HBS1L: variants seen among roughly 807,000 people sequenced by gnomAD.
HBS1L encodes the protein HBS1 like translational GTPase, also known as HBS1-like protein.
A neutral mutation model predicts 88.9 loss-of-function variants in HBS1L; 55 were observed. That is an observed-to-expected ratio of 0.62 (90% CI 0.50 to 0.77). HBS1L has a LOEUF of 0.77. Among genes scored for constraint, HBS1L ranks in the 30% least tolerant of loss-of-function variants. The probability of loss-of-function intolerance (pLI) is 0.00; values close to 1 mark genes in which losing one functional copy is unlikely to be tolerated. For synonymous variants in HBS1L, 267 were observed against 288.5 expected, an observed-to-expected ratio of 0.93 and a Z score of 0.76; for missense variants, 741 against 829.3, an observed-to-expected ratio of 0.89 and a Z score of 1.31.
At chr6:134,968,996 T>C (rs2114744158) in intron 16 of HBS1L, among the ~76,000 whole-genome samples, 1 of 152,292 alleles carries the variant, frequency 6.6e-6, no homozygotes, top group East Asian at 1.9e-4. Context: ...TTACATTTAT[T>C]TATAATTCAC....
chr6:135,038,063 G>C, intron 4 of HBS1L: 1 of 1,437,768 alleles, frequency 7.0e-7, no homozygotes, highest in Non-Finnish European at 9.1e-7. Context: ...CAGATGAATA[G>C]GTTGATATAC....
intron 1 of HBS1L, among the ~76,000 whole-genome samples, chr6:135,051,159 A>G (rs926513061): frequency 2.0e-5 from 3 of 152,070 alleles, no homozygotes; most frequent in Non-Finnish European, 4.4e-5. Flanking sequence ...CCAGGAGGCA[A>G]GGTTGCAGTG....
Position 134,969,261 on chromosome 6 carries a change from A to G in HBS1L, c.1875T>C (p.Gly625=), listed in dbSNP as rs920940950. 3.1e-6 allele frequency: 5 copies of G among 1,612,512 alleles called. No individual in the cohort carries two copies. Among genetic ancestry groups the G allele is most frequent in the Non-Finnish European group, 4.2e-6 (5 of 1,178,916 alleles). Reference sequence around the variant, plus strand: ...ACTTAGGCTTTTTCTTTGTGACTTCACCCGTGCTTTTGTTTAAGACACTAA... The same window carrying G: ...ACTTAGGCTTTTTCTTTGTGACTTCGCCCGTGCTTTTGTTTAAGACACTAA... The part of the protein sequence containing the change: ...RLISVLNKST[G]EVTKKKPKFL... The change falls in exon 16 of 18, where the codon GGT becomes GGC. Residue 625 remains glycine, a synonymous_variant. Coordinates refer to ENST00000367837, the MANE Select transcript of HBS1L (RefSeq NM_006620.4).
chr6:135,034,674 C>T (rs1776482542), intron 4 of HBS1L, among the ~76,000 whole-genome samples: 1 of 152,082 alleles, frequency 6.6e-6, no homozygotes, highest in African/African-American at 2.4e-5. Context: ...ATTTTAGATA[C>T]TACTGTATTA....
At chr6:134,986,952 T>G (rs1774995244) in intron 9 of HBS1L, 142 bp from the exon 10 acceptor site, 3 of 351,596 alleles carry the variant, frequency 8.5e-6, no homozygotes, top group Non-Finnish European at 1.5e-5. Context: ...ATATCAGACC[T>G]TGCTAATAAT....
intron 2 of HBS1L, among the ~76,000 whole-genome samples, chr6:135,049,921 G>A (rs568541824): frequency 1.6e-4 from 25 of 152,188 alleles, no homozygotes; most frequent in Non-Finnish European, 3.4e-4. Context: ...TAGACAGTAG[G>A]CTGAAATTTG....
At chr6:135,016,478 T>C (rs755026604) in intron 4 of HBS1L, among the ~76,000 whole-genome samples, 2 of 152,204 alleles carry the variant, frequency 1.3e-5, no homozygotes, top group African/African-American at 4.8e-5. Context: ...ACCTGGATAC[T>C]GTCCACTTAA....
Position 134,972,425 on chromosome 6 carries a change from T to C in HBS1L, c.1798-3087A>G, listed in dbSNP as rs375570799. 2.0e-5 allele frequency among the ~76,000 whole-genome samples: 3 copies of C among 152,140 alleles called. No homozygotes were observed. In the South Asian group the frequency reaches 6.2e-4, roughly 31 times the overall value. ...TGCAAAACAATGAAGCTCTCTACCTTACATATGTACAAAACTTAACTGAAA... is the reference window on the plus strand; with the variant it reads ...TGCAAAACAATGAAGCTCTCTACCTCACATATGTACAAAACTTAACTGAAA... On this transcript the variant is annotated intron_variant, in intron 15 of 17. Coordinates refer to ENST00000367837, the MANE Select transcript of HBS1L (RefSeq NM_006620.4).
At chr6:134,968,438 G>A (rs1326690812) in intron 16 of HBS1L, among the ~76,000 whole-genome samples, 4 of 151,842 alleles carry the variant, frequency 2.6e-5, no homozygotes, top group East Asian at 1.9e-4. Context: ...TAGTAGAGAC[G>A]GGGTTTCGCC....
chr6:135,002,944 G>T (rs1583098736), intron 4 of HBS1L, 102 bp from the exon 5 acceptor site: 3 of 698,906 alleles, frequency 4.3e-6, no homozygotes, highest in African/African-American at 1.8e-5. Context: ...AACTTTCACA[G>T]AATTAATGTC....
At chr6:134,965,758 T>C (rs2114737053) in intron 17 of HBS1L, among the ~76,000 whole-genome samples, 1 of 152,310 alleles carries the variant, frequency 6.6e-6, no homozygotes, top group Admixed American at 6.5e-5. Flanking sequence ...GAAAGCTGTT[T>C]TCTTCACCTC....
Position 134,985,175 on chromosome 6 carries a change from C to T in HBS1L, c.1492+166G>A, listed in dbSNP as rs531110451. 5.3e-5 allele frequency among the ~76,000 whole-genome samples: 8 copies of T among 152,048 alleles called. No homozygotes were observed. In the South Asian group the frequency reaches 1.7e-3, roughly 32 times the overall value. ...TTTCCTGGACAGGGAAGCTAAGTGA[C>T]TAAATCTGTGCATTTTAAGATTAAT... On this transcript the variant is annotated intron_variant, in intron 12 of 17. Transcript: ENST00000367837.
At chr6:134,994,322 G>T (rs1056246788) in intron 7 of HBS1L, among the ~76,000 whole-genome samples, 1 of 152,018 alleles carries the variant, frequency 6.6e-6, no homozygotes, top group Non-Finnish European at 1.5e-5. Flanking sequence ...TTGCAAGGCT[G>T]GTTAATATGC....
intron 3 of HBS1L, among the ~76,000 whole-genome samples, chr6:135,040,251 C>A (rs1178292722): frequency 6.6e-6 from 1 of 151,906 alleles, no homozygotes; most frequent in African/African-American, 2.4e-5. Flanking sequence ...CTAAAATAAT[C>A]CTTAATGACT....
chr6:135,002,155 G>T (rs1275951624), intron 5 of HBS1L, among the ~76,000 whole-genome samples: 1 of 151,944 alleles, frequency 6.6e-6, no homozygotes, highest in Non-Finnish European at 1.5e-5. Context: ...CTCCTGGAAG[G>T]ATTCTAGAGA....
At chr6:135,010,924 T>C (rs1052712604) in intron 4 of HBS1L, among the ~76,000 whole-genome samples, 3 of 152,152 alleles carry the variant, frequency 2.0e-5, no homozygotes, top group Non-Finnish European at 4.4e-5. Flanking sequence ...GAATGTTATA[T>C]ATAGGAATTA....
chr6:135,045,503 CT>C (rs2114918967), intron 2 of HBS1L, among the ~76,000 whole-genome samples: 1 of 152,236 alleles, frequency 6.6e-6, no homozygotes, highest in African/African-American at 2.4e-5. Flanking sequence ...GAGATTATGA[CT>C]CAGTGGTGCT....
chr6:134,985,305 G>A lies in HBS1L; in HGVS notation c.1492+36C>T, dbSNP rs191703153. ...GGTTAGGAGGGAATGGGGAAAAGGG[G>A]CTATACTGAAGAAGCACTACAAAGG... On this transcript the variant is annotated intron_variant, in intron 12 of 17. Transcript: ENST00000367837. The A allele has an allele frequency of 1.4e-3, 1,981 of 1,382,862 alleles. 53 individuals carry two copies. The Admixed American group carries it at 0.037, about 26-fold the overall frequency. The allele number at this position is 1,382,862 out of a possible 1,614,324, so 85.7% of individuals were successfully genotyped here.
chr6:135,004,379 A>T (rs571187564), intron 4 of HBS1L, among the ~76,000 whole-genome samples: 59 of 152,242 alleles, frequency 3.9e-4, no homozygotes, highest in African/African-American at 1.3e-3. Flanking sequence ...GGAAAGTGAG[A>T]ATTGGAGCTA....
Sources: allele counts gnomAD v4.1 joint callset (sites outside exome capture counted in the v4.1 genomes callset), GRCh38; gene constraint gnomAD v4.1.1; transcripts MANE v1.5; gene names NCBI Gene and HGNC (gene_info 2026-07-23, HGNC 2026-07-21).